The following CACNA2D3 variants were observed in gnomAD, a reference collection of about 807,000 sequenced individuals.
CACNA2D3 encodes the protein calcium voltage-gated channel auxiliary subunit alpha2delta 3, also known as voltage-dependent calcium channel subunit alpha-2/delta-3.
CACNA2D3 carries 60 observed loss-of-function variants against 160.6 expected under a neutral mutation model. The ratio of observed to expected loss-of-function variants is 0.37; its 90% CI spans 0.30 to 0.46. The LOEUF is 0.46. Ranked by LOEUF, CACNA2D3 falls within the 20% of genes least tolerant of loss-of-function variation. The pLI is 1.00. For synonymous variants in CACNA2D3, 558 were observed against 492.9 expected (o/e 1.13, Z -1.75); for missense variants, 1,205 against 1,365.0 (o/e 0.88, Z 1.85).
intron 35 of CACNA2D3, among the ~76,000 whole-genome samples, chr3:55,071,254 A>C (rs1158116236): frequency 6.6e-6 from 1 of 152,108 alleles, no homozygotes; most frequent in Non-Finnish European, 1.5e-5. Context: ...TGTGGCAAAC[A>C]AACATCATAA....
At position 54,487,646 on chromosome 3, in the gene CACNA2D3, G is replaced by A. The variant is rs115852489; in HGVS notation, c.382-15846G>A. Among the ~76,000 whole-genome samples the A allele has an allele frequency of 5.7e-3, 874 of 152,282 alleles. 9 individuals are homozygous for A. The highest frequency in any genetic ancestry group is 0.019 in the African/African-American group (809 of 41,550). ...TTCTTAGGGAGCTCAAGTTTCTAAT[G>A]GAGGAGATAGACAGAAAGCTTAGGA... On this transcript the variant is annotated intron_variant, in intron 4 of 37. Transcript: ENST00000474759.
chr3:55,044,330 C>A (rs931600083), intron 35 of CACNA2D3, among the ~76,000 whole-genome samples: 7 of 152,168 alleles, frequency 4.6e-5, no homozygotes, highest in East Asian at 1.9e-4. Context: ...GTTTTTAAAA[C>A]GTTATACCTA....
intron 2 of CACNA2D3, among the ~76,000 whole-genome samples, chr3:54,127,995 A>G (rs1271267988): frequency 1.3e-5 from 2 of 150,216 alleles, no homozygotes; most frequent in Admixed American, 6.6e-5. Flanking sequence ...CTTTTCTCCC[A>G]TTAGGAACTG....
At chr3:54,807,758 A>G (rs926658314) in intron 13 of CACNA2D3, among the ~76,000 whole-genome samples, 2 of 152,038 alleles carry the variant, frequency 1.3e-5, no homozygotes, top group Non-Finnish European at 2.9e-5. Context: ...ATGCACACAT[A>G]TGTTTATTGT....
At chr3:54,285,391 T>C (rs961858806) in intron 2 of CACNA2D3, among the ~76,000 whole-genome samples, 26 of 152,198 alleles carry the variant, frequency 1.7e-4, no homozygotes, top group South Asian at 6.2e-4. Flanking sequence ...GAGGGTCGCC[T>C]GCCATTCCCC....
At chr3:54,978,343 A>G (rs1244988086) in intron 29 of CACNA2D3, among the ~76,000 whole-genome samples, 4 of 152,190 alleles carry the variant, frequency 2.6e-5, no homozygotes, top group African/African-American at 9.6e-5. Context: ...GCAGAGGGAT[A>G]AAGATGCATC....
intron 10 of CACNA2D3, among the ~76,000 whole-genome samples, chr3:54,637,392 C>T (rs62255538): frequency 3.3e-5 from 5 of 151,400 alleles, no homozygotes; most frequent in African/African-American, 1.2e-4. Flanking sequence ...GGAAGAAGGG[C>T]GGCAATGAGA....
intron 2 of CACNA2D3, among the ~76,000 whole-genome samples, chr3:54,284,165 C>T (rs1188930368): frequency 6.6e-6 from 1 of 152,002 alleles, no homozygotes; most frequent in East Asian, 1.9e-4. Flanking sequence ...TAAGCTAATG[C>T]TAAATGACGA....
chr3:54,198,485 G>A (rs926836043), intron 2 of CACNA2D3, among the ~76,000 whole-genome samples: 4 of 152,228 alleles, frequency 2.6e-5, no homozygotes, highest in African/African-American at 4.8e-5. Context: ...TGGGCCAGCC[G>A]CTCTGTGGGG....
intron 13 of CACNA2D3, among the ~76,000 whole-genome samples, chr3:54,813,003 C>T (rs1258465374): frequency 6.6e-6 from 1 of 152,230 alleles, no homozygotes; most frequent in Non-Finnish European, 1.5e-5. Context: ...CCTTTATCTT[C>T]ATCATTTCCT....
At chr3:54,925,075 G>A (rs1700973825) in intron 27 of CACNA2D3, 1 of 1,614,026 alleles carries the variant, frequency 6.2e-7, no homozygotes, top group African/African-American at 1.3e-5. Context: ...CGAGTCTGAG[G>A]AGGTAAATGG....
At chr3:54,165,050 C>T (rs1206428043) in intron 2 of CACNA2D3, among the ~76,000 whole-genome samples, 1 of 151,996 alleles carries the variant, frequency 6.6e-6, no homozygotes, top group Admixed American at 6.5e-5. Context: ...TGGGTTTTAG[C>T]CCCAGCTCTG....
chr3:54,177,275 C>CCTAAAGG (rs1441263651), intron 2 of CACNA2D3, among the ~76,000 whole-genome samples: 1 of 152,180 alleles, frequency 6.6e-6, no homozygotes, highest in Non-Finnish European at 1.5e-5. Context: ...TGCCTTGTTA[C>CCTAAAGG]AATTTCAGCC....
At chr3:54,253,696 A>G (rs1398085002) in intron 2 of CACNA2D3, among the ~76,000 whole-genome samples, 2 of 152,100 alleles carry the variant, frequency 1.3e-5, no homozygotes, top group Non-Finnish European at 2.9e-5. Flanking sequence ...TTGTGTACCC[A>G]TATGTGCCTT....
chr3:54,270,374 C>T (rs1472109740), intron 2 of CACNA2D3, among the ~76,000 whole-genome samples: 1 of 152,210 alleles, frequency 6.6e-6, no homozygotes, highest in Non-Finnish European at 1.5e-5. Context: ...AATCGACCTG[C>T]TTTACGCATT....
At chr3:54,729,779 C>G (rs1431199700) in intron 11 of CACNA2D3, among the ~76,000 whole-genome samples, 1 of 152,148 alleles carries the variant, frequency 6.6e-6, no homozygotes, top group Admixed American at 6.5e-5. Context: ...GTGGGTGGAT[C>G]ACGAGGTCAG....
At chr3:54,174,250 C>T (rs1700623957) in intron 2 of CACNA2D3, among the ~76,000 whole-genome samples, 1 of 152,110 alleles carries the variant, frequency 6.6e-6, no homozygotes, top group Non-Finnish European at 1.5e-5. Flanking sequence ...CTAAGTGCTG[C>T]CCAATTGTTG....
intron 13 of CACNA2D3, among the ~76,000 whole-genome samples, chr3:54,770,388 G>A (rs999662918): frequency 6.6e-6 from 1 of 152,150 alleles, no homozygotes; most frequent in Non-Finnish European, 1.5e-5. Flanking sequence ...CGATTCTGAC[G>A]ATTCAAACAA....
At chr3:54,342,938 C>T (rs1698387713) in intron 3 of CACNA2D3, among the ~76,000 whole-genome samples, 1 of 152,146 alleles carries the variant, frequency 6.6e-6, no homozygotes, top group Non-Finnish European at 1.5e-5. Flanking sequence ...GGGGGGCCCG[C>T]CCTGGGTAGC....
Sources: gnomAD v4.1 joint callset for allele counts (sites outside exome capture counted in the v4.1 genomes callset) on GRCh38, gnomAD v4.1.1 for gene constraint, MANE v1.5 for transcripts, NCBI Gene and HGNC (gene_info 2026-07-23, HGNC 2026-07-21) for gene names.